VPS33A: variants seen among roughly 807,000 people sequenced by gnomAD.
VPS33A encodes VPS33A core subunit of CORVET and HOPS complexes, also known as vacuolar protein sorting-associated protein 33A.
In VPS33A, 32 loss-of-function variants were observed where a neutral mutation model predicts 71.8. The observed-to-expected ratio is 0.45, with a 90% CI of 0.34 to 0.60. VPS33A has a LOEUF of 0.60. Among genes scored for constraint, VPS33A ranks in the 20% least tolerant of loss-of-function variants. The pLI is 0.02. For missense variants in VPS33A, 625 were observed against 748.5 expected (o/e 0.84, Z 1.92); for synonymous variants, 311 against 292.7 (o/e 1.06, Z -0.64).
rs1440612331 is a variant in VPS33A at position 122,235,813 on chromosome 12, G to A, written c.1413C>T (p.Arg471=). 1.9e-6 allele frequency: 3 copies of A among 1,613,550 alleles called. No individual in the cohort carries two copies. The highest frequency in any genetic ancestry group is 1.1e-5 in the South Asian group (1 of 90,960). ...NNYPTIRKTL[R]LWMDDVNEQN... ...GCTCATTAACATCATCCATCCAGAGGCGTAATGTTTTCCGTATAGTTGGGT... is the reference window on the plus strand; with the variant it reads ...GCTCATTAACATCATCCATCCAGAGACGTAATGTTTTCCGTATAGTTGGGT... The change falls in exon 11 of 13, where the codon CGC becomes CGT. Residue 471 remains arginine (R), a synonymous_variant. Transcript: ENST00000267199.
At chr12:122,244,460 A>G in intron 7 of VPS33A, 109 bp downstream of exon 7, 2 of 964,704 alleles carry the variant, frequency 2.1e-6, no homozygotes, top group South Asian at 4.7e-5. Flanking sequence ...GAAAAGTTGC[A>G]TTGAAGCCTG....
intron 4 of VPS33A, among the ~76,000 whole-genome samples, chr12:122,260,714 G>A (rs77473372): frequency 0.11 from 17,258 of 152,198 alleles, 2,887 homozygotes; most frequent in African/African-American, 0.37. Flanking sequence ...AGCCAGGCGC[G>A]GTGGCTCACG....
At chr12:122,265,307 G>A (rs1955052601) in intron 1 of VPS33A, among the ~76,000 whole-genome samples, 1 of 152,116 alleles carries the variant, frequency 6.6e-6, no homozygotes, top group South Asian at 2.1e-4. Context: ...GAGTGAAAGG[G>A]AGTGAGGACT....
chr12:122,232,669 T>C, intron 12 of VPS33A, 131 bp downstream of exon 12: 1 of 1,217,264 alleles, frequency 8.2e-7, no homozygotes, highest in South Asian at 1.5e-5. Flanking sequence ...CTACATACAT[T>C]AGCAACGAAC....
chr12:122,265,366 G>C (rs1026933882), intron 1 of VPS33A, among the ~76,000 whole-genome samples: 5 of 152,082 alleles, frequency 3.3e-5, no homozygotes, highest in African/African-American at 1.2e-4. Flanking sequence ...GGGCCCCTAT[G>C]AGTATTTCTA....
At chr12:122,263,051 G>A (rs1365961349) in intron 3 of VPS33A, among the ~76,000 whole-genome samples, 5 of 148,590 alleles carry the variant, frequency 3.4e-5, no homozygotes, top group African/African-American at 7.4e-5. Flanking sequence ...GGAGTGCAGT[G>A]GCGCGATCTC....
chr12:122,261,151 A>G (rs1200517787), intron 4 of VPS33A, 110 bp downstream of exon 4: 2 of 923,992 alleles, frequency 2.2e-6, no homozygotes, highest in Non-Finnish European at 3.1e-6. Flanking sequence ...TTAAACATCA[A>G]TAAACATATA....
intron 12 of VPS33A, 81 bp downstream of exon 12, chr12:122,232,719 T>G: frequency 4.7e-6 from 7 of 1,503,446 alleles, no homozygotes; most frequent in Non-Finnish European, 6.3e-6. Flanking sequence ...AGTGCTTTAC[T>G]ATTTTACAAA....
chr12:122,244,513 G>C, intron 7 of VPS33A, 56 bp downstream of exon 7: 1 of 1,464,388 alleles, frequency 6.8e-7, no homozygotes, highest in Non-Finnish European at 9.3e-7. Context: ...TCCCCTCAGG[G>C]GTGGGCATCT....
chr12:122,239,779 A>AAAAT, intron 9 of VPS33A, 99 bp downstream of exon 9: 1 of 507,354 alleles, frequency 2.0e-6, no homozygotes. Flanking sequence ...AAAAAAAAAA[A>AAAAT]GGCAAGGCAT....
chr12:122,255,952 C>T (rs556233767), intron 4 of VPS33A, among the ~76,000 whole-genome samples: 7 of 152,150 alleles, frequency 4.6e-5, no homozygotes, highest in African/African-American at 1.7e-4. Context: ...GACAGGTGCA[C>T]ATCACCACGT....
At chr12:122,234,269 T>G (rs1021307074) in intron 11 of VPS33A, among the ~76,000 whole-genome samples, 3 of 152,208 alleles carry the variant, frequency 2.0e-5, no homozygotes, top group South Asian at 4.1e-4. Context: ...TGCATAGCTT[T>G]TTTTTTCCCT....
At chr12:122,252,499 T>C (rs926437205) in intron 4 of VPS33A, among the ~76,000 whole-genome samples, 5 of 151,964 alleles carry the variant, frequency 3.3e-5, no homozygotes, top group Admixed American at 2.6e-4. Flanking sequence ...CTCGATCTCC[T>C]GACCTCGTGA....
At chr12:122,265,711 G>C in intron 1 of VPS33A, 1 of 454,384 alleles carries the variant, frequency 2.2e-6, no homozygotes, top group Admixed American at 2.4e-5. Context: ...AGTAACTTAG[G>C]GTGACTGATA....
chr12:122,233,120 G>C, intron 11 of VPS33A, 152 bp from the exon 12 acceptor site: 1 of 861,082 alleles, frequency 1.2e-6, no homozygotes, highest in Non-Finnish European at 1.7e-6. Context: ...CACCCTAGCT[G>C]GGCTCAATTT....
intron 4 of VPS33A, among the ~76,000 whole-genome samples, chr12:122,255,831 TCTCA>T (rs1425104901): frequency 4.0e-5 from 6 of 151,004 alleles, no homozygotes; most frequent in Admixed American, 4.0e-4. Flanking sequence ...TGTGGCCGGG[TCTCA>T]CTCTGTCACC....
intron 4 of VPS33A, among the ~76,000 whole-genome samples, chr12:122,252,241 A>G (rs1954855014): frequency 6.6e-6 from 1 of 152,044 alleles, no homozygotes; most frequent in Non-Finnish European, 1.5e-5. Context: ...TGGGCAACAG[A>G]GCAAGACCCC....
intron 10 of VPS33A, among the ~76,000 whole-genome samples, chr12:122,236,277 T>TA (rs1277843452): frequency 6.6e-6 from 1 of 152,106 alleles, no homozygotes; most frequent in Non-Finnish European, 1.5e-5. Flanking sequence ...TACATCCTGA[T>TA]AAGAAAGGTC....
chr12:122,252,555 C>G (rs890510808), intron 4 of VPS33A, among the ~76,000 whole-genome samples: 2 of 151,860 alleles, frequency 1.3e-5, no homozygotes, highest in Non-Finnish European at 2.9e-5. Context: ...CAGGCGTGAG[C>G]CACCGCGCCC....
Sources: gnomAD v4.1 joint callset for allele counts (sites outside exome capture counted in the v4.1 genomes callset) on GRCh38, gnomAD v4.1.1 for gene constraint, MANE v1.5 for transcripts, NCBI Gene and HGNC (gene_info 2026-07-23, HGNC 2026-07-21) for gene names.